Variants in DNHD1 observed in about 807,000 individuals in gnomAD.
The protein encoded by DNHD1 is dynein heavy chain domain 1, also known as dynein heavy chain domain-containing protein 1.
A neutral mutation model predicts 458.1 loss-of-function variants in DNHD1; 383 were observed. The ratio of observed to expected loss-of-function variants is 0.84; its 90% CI spans 0.77 to 0.91. DNHD1 has a LOEUF of 0.91. Among genes scored for constraint, DNHD1 ranks in the 40% least tolerant of loss-of-function variants. DNHD1 has a pLI of 0.00. For synonymous variants in DNHD1, 2,203 were observed against 2,376.9 expected (o/e 0.93, Z 2.13); for missense variants, 5,336 against 5,866.1 (o/e 0.91, Z 2.95).
chr11:6,571,289 C>A lies in DNHD1; in HGVS notation c.13777C>A (p.Leu4593Met), dbSNP rs753677219. 1 of 1,612,542 alleles carries A rather than the reference C, an allele frequency of 6.2e-7. No homozygotes were observed. The highest frequency in any genetic ancestry group is 1.1e-5 in the South Asian group (1 of 90,894). Residue 4593 changes from leucine (L) to methionine (M), a missense_variant, in exon 42 of 43, where the codon CTG (leucine) becomes ATG (methionine). Transcript: ENST00000254579. This position sits in a 1 kb window ranked among gnomAD's most constrained non-coding sequence, Gnocchi z 5.0. ...AGCCTTTCGCCACCCGCGCCGCCTG[C>A]TGCTGGCATTGCGTGGGGAAGCTGC... ...LSAFRHPRRL[L>M]LALRGEAALD...
Position 6,497,917 on chromosome 11 carries a change from C to G in DNHD1, c.-299C>G, listed in dbSNP as rs1400565694. 6 of 448,410 alleles carry G rather than the reference C, an allele frequency of 1.3e-5. No homozygotes were observed. Among genetic ancestry groups the G allele is most frequent in the Non-Finnish European group, 2.4e-5 (6 of 245,156 alleles). 27.8% of individuals were successfully genotyped at this position (448,410 alleles called of 1,614,324 possible). ...GAGGGCTCTCACGTCTGTCTTAGGC[C>G]TGCTCCTTACCAGAGTCTTTGGGGA... On this transcript the variant is annotated 5_prime_UTR_variant, in exon 3 of 43. Coordinates refer to ENST00000254579, the MANE Select transcript of DNHD1 (RefSeq NM_144666.3).
At position 6,558,194 on chromosome 11, in the gene DNHD1, C is replaced by A; in HGVS notation, c.8899C>A (p.Pro2967Thr). ...LLALATSGSF[P>T]GQYTEADLDR... ...GGCCCTGGCAACCTCAGGCAGTTTC[C>A]CTGGCCAGTACACAGAAGCAGATTT... is the stretch of plus-strand genomic sequence containing the variant. The change falls in exon 25 of 43, where the codon CCT (proline) becomes ACT (threonine). Residue 2967 changes from proline (P) to threonine (T), a missense_variant. Coordinates refer to ENST00000254579, the MANE Select transcript of DNHD1 (RefSeq NM_144666.3). 6.4e-7 allele frequency: 1 copy of A among 1,551,712 alleles called. No homozygotes were observed. The highest frequency in any genetic ancestry group is 8.7e-7 in the Non-Finnish European group (1 of 1,146,994).
intron 10 of DNHD1, among the ~76,000 whole-genome samples, chr11:6,528,079 G>A (rs1852746117): frequency 6.6e-6 from 1 of 152,198 alleles, no homozygotes; most frequent in Admixed American, 6.5e-5. Flanking sequence ...AATTAAGAGG[G>A]GGAAAGAGTC....
rs200084337 is a variant in DNHD1, at chr11:6,519,916, G to A, written c.1648-49G>A. On this transcript the variant is annotated intron_variant, in intron 8 of 42. Coordinates refer to ENST00000254579, the MANE Select transcript of DNHD1 (RefSeq NM_144666.3). ...AGTCCAGGGCCAGATGCTGAGGAAT[G>A]TATACTGACATCTAGCCCCTCGACC... is the stretch of plus-strand genomic sequence containing the variant. 14 of 1,613,260 alleles carry A rather than the reference G, an allele frequency of 8.7e-6. No homozygotes were observed. In the Admixed American group the frequency reaches 1.8e-4, roughly 21 times the overall value.
In DNHD1 at chr11:6,498,305, C is replaced by T; in HGVS notation, c.90C>T (p.Asp30=). 1 of 1,614,230 alleles carries T rather than the reference C, an allele frequency of 6.2e-7. No homozygotes were observed. The highest frequency in any genetic ancestry group is 1.3e-5 in the African/African-American group (1 of 75,070). Residue 30 remains aspartate, a synonymous_variant, in exon 3 of 43, where the codon GAC becomes GAT. Coordinates refer to ENST00000254579, the MANE Select transcript of DNHD1 (RefSeq NM_144666.3). ...CTTGGCACTCCATATGTGTCTTGGA[C>T]AGCAAAGAACAGCCCTTGGCCTGCC... ...LKSWHSICVL[D]SKEQPLACQQ... is the part of the protein sequence containing the mutation.
At chr11:6,528,418 T>TGTGC in intron 10 of DNHD1, 104 bp from the exon 11 acceptor site, 1 of 1,264,532 alleles carries the variant, frequency 7.9e-7, no homozygotes. Flanking sequence ...TGTGTGTGTG[T>TGTGC]GTGTGTGTGT....
intron 12 of DNHD1, among the ~76,000 whole-genome samples, chr11:6,532,259 C>A (rs1852840506): frequency 6.6e-6 from 1 of 151,830 alleles, no homozygotes; most frequent in Non-Finnish European, 1.5e-5. Context: ...AGTTTTTTTT[C>A]TTTGTTAGTG....
At chr11:6,535,221 C>T (rs1314688083) in intron 14 of DNHD1, among the ~76,000 whole-genome samples, 2 of 152,122 alleles carry the variant, frequency 1.3e-5, no homozygotes, top group Non-Finnish European at 2.9e-5. Context: ...ATTTCTATTG[C>T]ATTTTAAAAC....
At chr11:6,569,618 T>C (rs1473650892) in intron 39 of DNHD1, among the ~76,000 whole-genome samples, 1 of 152,074 alleles carries the variant, frequency 6.6e-6, no homozygotes, top group Non-Finnish European at 1.5e-5. Flanking sequence ...ACATGGAGAA[T>C]GGATCAGAGG....
At position 6,566,777 on chromosome 11, in the gene DNHD1, C is replaced by T. The variant is rs763348606; in HGVS notation, c.11385+12C>T. 6.2e-7 allele frequency: 1 copy of T among 1,607,128 alleles called. No homozygotes were observed. The highest frequency in any genetic ancestry group is 1.1e-5 in the South Asian group (1 of 89,730). On this transcript the variant is annotated intron_variant, in intron 35 of 42. Coordinates refer to ENST00000254579, the MANE Select transcript of DNHD1 (RefSeq NM_144666.3). Reference sequence around the variant, plus strand: ...TGGAGGCTGCTGAGGTGCTTGGGGGCTCAGTCTGTGGGTTGAGATGAGCAT... The same window carrying T: ...TGGAGGCTGCTGAGGTGCTTGGGGGTTCAGTCTGTGGGTTGAGATGAGCAT...
chr11:6,557,664 G>T lies in DNHD1; in HGVS notation c.8369G>T (p.Trp2790Leu). The change falls in exon 25 of 43, where the codon TGG becomes TTG. Residue 2790 changes from tryptophan to leucine, a missense_variant. This residue lies in a region of DNHD1 where 3,932 missense variants were observed against 4,365.6 expected (regional missense o/e 0.90). Coordinates refer to ENST00000254579, the MANE Select transcript of DNHD1 (RefSeq NM_144666.3). ...RLQVRRSFKT[W>L]WQKKPQMDLI... is the part of the protein sequence containing the mutation. ...CAGGTAAGGAGATCATTCAAGACTT[G>T]GTGGCAGAAGAAACCCCAGATGGAC... 8 of 1,551,666 alleles carry T rather than the reference G, an allele frequency of 5.2e-6. No individual in the cohort carries two copies. The highest frequency in any genetic ancestry group is 6.1e-6 in the Non-Finnish European group (7 of 1,146,990).
chr11:6,548,709 G>T lies in DNHD1; in HGVS notation c.7163G>T (p.Gly2388Val), dbSNP rs1473464208. 1.3e-6 allele frequency: 2 copies of T among 1,551,636 alleles called. No individual in the cohort carries two copies. The highest frequency in any genetic ancestry group is 3.9e-5 in the Admixed American group (2 of 50,998). ...LSGGQPVLLA[G>V]EAATGKSAFV... ...GGGGGACAGCCAGTGTTGCTGGCTGGAGAGGCAGCAACAGGGAAGTCAGCC... is the reference window on the plus strand; with the variant it reads ...GGGGGACAGCCAGTGTTGCTGGCTGTAGAGGCAGCAACAGGGAAGTCAGCC... Residue 2388 changes from glycine (G) to valine (V), a missense_variant, in exon 24 of 43, where the codon GGA (glycine) becomes GTA (valine). Physicochemically the swap from Gly to Val is moderately radical, Grantham distance 109. Around this residue, in one of 4 missense-constraint regions of DNHD1, gnomAD observed 3,932 missense variants for 4,365.6 expected, o/e 0.90. Transcript: ENST00000254579. This position sits in a 1 kb window ranked among gnomAD's most constrained non-coding sequence, Gnocchi z 4.4.
chr11:6,569,767 G>C (rs1853796982), intron 39 of DNHD1, among the ~76,000 whole-genome samples: 1 of 152,080 alleles, frequency 6.6e-6, no homozygotes, highest in South Asian at 2.1e-4. Flanking sequence ...GAGGTGTCGA[G>C]GATGACTCTC....
chr11:6,569,337 G>C (rs565743611), intron 39 of DNHD1, among the ~76,000 whole-genome samples: 4 of 152,142 alleles, frequency 2.6e-5, no homozygotes, highest in Non-Finnish European at 2.9e-5. Context: ...CAAAAACTTA[G>C]CCAGGCATGG....
chr11:6,539,100 T>A, intron 16 of DNHD1, 119 bp from the exon 17 acceptor site: 1 of 727,396 alleles, frequency 1.4e-6, no homozygotes, highest in Non-Finnish European at 2.3e-6. Flanking sequence ...TGTTGTGCTC[T>A]GAGATCTGCT....
rs753427506 is a variant in DNHD1 at position 6,534,197 on chromosome 11, C to T, written c.2998+24C>T. ...TGGTACTGAGGATCCCTGCACCCTCCATTATCACTCTGTGATAGACCCTTC... is the reference window on the plus strand; with the variant it reads ...TGGTACTGAGGATCCCTGCACCCTCTATTATCACTCTGTGATAGACCCTTC... On this transcript the variant is annotated intron_variant, in intron 14 of 42. Coordinates refer to ENST00000254579, the MANE Select transcript of DNHD1 (RefSeq NM_144666.3). The T allele has an allele frequency of 2.3e-5, 35 of 1,546,696 alleles. No homozygotes were observed. The African/African-American group carries it at 3.6e-4, about 16-fold the overall frequency.
rs1216972717 is a variant in DNHD1, at chr11:6,546,355, G to A, written c.5416G>A (p.Val1806Ile). 1.9e-6 allele frequency: 3 copies of A among 1,552,278 alleles called. No individual in the cohort carries two copies. Among genetic ancestry groups the A allele is most frequent in the South Asian group, 2.4e-5 (2 of 84,054 alleles). Residue 1806 changes from valine (V) to isoleucine (I), a missense_variant, in exon 21 of 43, where the codon GTA becomes ATA. Val to Ile is a conservative substitution (Grantham distance 29). Around this residue, in one of 4 missense-constraint regions of DNHD1, gnomAD observed 3,932 missense variants for 4,365.6 expected, o/e 0.90. Transcript: ENST00000254579. Reference protein sequence around the residue: ...SVRLGYGCLLVLRALSSAVPA... With the variant: ...SVRLGYGCLLILRALSSAVPA... Reference sequence around the variant, plus strand: ...GCGCCTTGGCTATGGCTGTCTCCTGGTACTGCGTGCCCTGAGCTCTGCTGT... The same window carrying A: ...GCGCCTTGGCTATGGCTGTCTCCTGATACTGCGTGCCCTGAGCTCTGCTGT...
chr11:6,511,480 A>G, intron 7 of DNHD1, 51 bp downstream of exon 7: 1 of 1,596,908 alleles, frequency 6.3e-7, no homozygotes, highest in Non-Finnish European at 8.6e-7. Flanking sequence ...TGAGCTCCCC[A>G]GAGTTTCAGC....
chr11:6,523,857 G>A (rs2134400717), intron 10 of DNHD1, among the ~76,000 whole-genome samples: 1 of 152,218 alleles, frequency 6.6e-6, no homozygotes, highest in East Asian at 1.9e-4. Flanking sequence ...GCATGGTAGT[G>A]TGCACCTGTA....
Sources: gnomAD v4.1 joint callset for allele counts (sites outside exome capture counted in the v4.1 genomes callset) on GRCh38, gnomAD v4.1.1 for gene constraint, gnomAD v4.1.1 regional missense constraint, Gnocchi (gnomAD v3.1) non-coding constraint, MANE v1.5 for transcripts, NCBI Gene and HGNC (gene_info 2026-07-23, HGNC 2026-07-21) for gene names.